LRRC4C: variants seen among roughly 807,000 people sequenced by gnomAD.
LRRC4C encodes leucine rich repeat containing 4C.
Under a neutral mutation model 33.6 loss-of-function variants are expected in LRRC4C, and 5 were observed. The ratio of observed to expected loss-of-function variants is 0.15; its 90% CI spans 0.08 to 0.31. The LOEUF (loss-of-function observed/expected upper bound fraction) is 0.31. Ranked by LOEUF, LRRC4C falls within the 10% of genes least tolerant of loss-of-function variation. The pLI, the probability that LRRC4C is intolerant of heterozygous loss-of-function variation, is 1.00. For missense variants in LRRC4C, 560 were observed against 796.7 expected (o/e 0.70, Z 3.58); for synonymous variants, 329 against 302.0 (o/e 1.09, Z -0.93).
chr11:41,132,687 G>A (rs971011441), intron 1 of LRRC4C, among the ~76,000 whole-genome samples: 11 of 151,982 alleles, frequency 7.2e-5, no homozygotes, highest in Non-Finnish European at 1.5e-4. Flanking sequence ...TTTCTACTAT[G>A]ATCATTTTTA....
chr11:40,485,248 GACAC>G (rs61129430), intron 3 of LRRC4C, among the ~76,000 whole-genome samples: 2 of 150,694 alleles, frequency 1.3e-5, no homozygotes, highest in African/African-American at 4.9e-5. Context: ...TGATAAGAGG[GACAC>G]ACACACACAC....
intron 3 of LRRC4C, among the ~76,000 whole-genome samples, chr11:40,465,319 T>A (rs753795113): frequency 2.6e-5 from 4 of 152,026 alleles, no homozygotes; most frequent in Non-Finnish European, 4.4e-5. Flanking sequence ...TCAAGACGGA[T>A]CAATGACTTA....
chr11:41,434,681 A>G (rs1425112895), intron 1 of LRRC4C, among the ~76,000 whole-genome samples: 1 of 152,148 alleles, frequency 6.6e-6, no homozygotes, highest in East Asian at 1.9e-4. Flanking sequence ...GACTAGCAAG[A>G]AGTGCACCTT....
At chr11:41,057,147 G>A (rs925347955) in intron 1 of LRRC4C, among the ~76,000 whole-genome samples, 3 of 152,090 alleles carry the variant, frequency 2.0e-5, no homozygotes, top group South Asian at 2.1e-4. Flanking sequence ...CCCGACCTTC[G>A]CAGGCTTGGA....
In LRRC4C at chr11:40,470,164, G is replaced by T. The variant is rs140513698; in HGVS notation, c.-269-150443C>A. Among the ~76,000 whole-genome samples the T allele has an allele frequency of 4.4e-4, 67 of 152,236 alleles. 1 individual carries two copies. Among genetic ancestry groups the T allele is most frequent in the African/African-American group, 1.5e-3 (64 of 41,552 alleles). Reference sequence around the variant, plus strand: ...TTGGCATCTGGTGGGTGCCCCTCTGGCATGAAGCTTTCAATGGAAAAAACA... The same window carrying T: ...TTGGCATCTGGTGGGTGCCCCTCTGTCATGAAGCTTTCAATGGAAAAAACA... On this transcript the variant is annotated intron_variant, in intron 3 of 6. Coordinates refer to ENST00000528697, the MANE Select transcript of LRRC4C (RefSeq NM_001258419.2).
chr11:40,473,405 C>T (rs1162794832), intron 3 of LRRC4C, among the ~76,000 whole-genome samples: 3 of 152,112 alleles, frequency 2.0e-5, no homozygotes, highest in Non-Finnish European at 4.4e-5. Context: ...TTAAACACCC[C>T]TTCATGCTAA....
chr11:40,946,898 T>A (rs1344323610), intron 1 of LRRC4C, among the ~76,000 whole-genome samples: 3 of 152,000 alleles, frequency 2.0e-5, no homozygotes, highest in African/African-American at 7.3e-5. Flanking sequence ...TTCAAAAAAA[T>A]TTAAATCATA....
chr11:40,843,299 C>T (rs1276613862), intron 2 of LRRC4C, among the ~76,000 whole-genome samples: 1 of 152,144 alleles, frequency 6.6e-6, no homozygotes, highest in Non-Finnish European at 1.5e-5. Context: ...ACGAGACCAA[C>T]CCTATGTACT....
chr11:40,503,924 G>T (rs901067769), intron 3 of LRRC4C, among the ~76,000 whole-genome samples: 2 of 152,040 alleles, frequency 1.3e-5, no homozygotes, highest in Non-Finnish European at 2.9e-5. Flanking sequence ...TATCTACCTG[G>T]TCAGCTATAA....
chr11:40,763,474 A>T (rs1949320408), intron 2 of LRRC4C, among the ~76,000 whole-genome samples: 1 of 152,184 alleles, frequency 6.6e-6, no homozygotes, highest in Admixed American at 6.6e-5. Flanking sequence ...ATCCACATAA[A>T]AAAGCACTTT....
chr11:40,583,229 C>T (rs1181130406), intron 3 of LRRC4C, among the ~76,000 whole-genome samples: 1 of 152,140 alleles, frequency 6.6e-6, no homozygotes, highest in African/African-American at 2.4e-5. Flanking sequence ...AGGTTATTAC[C>T]TATGAAATCC....
At chr11:40,227,506 G>C (rs937854105) in intron 5 of LRRC4C, among the ~76,000 whole-genome samples, 16 of 152,158 alleles carry the variant, frequency 1.1e-4, no homozygotes, top group African/African-American at 3.6e-4. Context: ...AAAAGTCATA[G>C]AGCTGAAGCA....
At chr11:40,897,253 G>A (rs578175861) in intron 2 of LRRC4C, among the ~76,000 whole-genome samples, 32 of 152,180 alleles carry the variant, frequency 2.1e-4, no homozygotes, top group Non-Finnish European at 4.4e-4. Flanking sequence ...ACTAAAGCAA[G>A]GATATGTGTT....
At chr11:40,409,824 G>T (rs1950092310) in intron 3 of LRRC4C, among the ~76,000 whole-genome samples, 1 of 152,036 alleles carries the variant, frequency 6.6e-6, no homozygotes, top group East Asian at 1.9e-4. Context: ...TGATATGGAG[G>T]TTCCTCAAAG....
At chr11:41,192,813 A>C (rs892421386) in intron 1 of LRRC4C, among the ~76,000 whole-genome samples, 11 of 152,112 alleles carry the variant, frequency 7.2e-5, no homozygotes, top group Admixed American at 6.6e-4. Flanking sequence ...TGGTTTGATA[A>C]TTTTAGAAAA....
At chr11:41,144,734 TTTAG>T (rs1943657081) in intron 1 of LRRC4C, among the ~76,000 whole-genome samples, 1 of 152,206 alleles carries the variant, frequency 6.6e-6, no homozygotes, top group Admixed American at 6.6e-5. Context: ...AGGATCATTA[TTTAG>T]TTACTCAATT....
chr11:40,218,302 T>G lies in LRRC4C; in HGVS notation c.-96+23217A>C, dbSNP rs183335316. ...TTTCCACTACATTTGAATTTTAAAG[T>G]GAACTCAATCCCAATAAAATAAAAG... On this transcript the variant is annotated intron_variant, in intron 5 of 6. Coordinates refer to ENST00000528697, the MANE Select transcript of LRRC4C (RefSeq NM_001258419.2). Among the ~76,000 whole-genome samples, 21 of 152,220 alleles carry G rather than the reference T, an allele frequency of 1.4e-4. No individual in the cohort carries two copies. In the East Asian group the frequency reaches 3.9e-3, roughly 28 times the overall value.
At chr11:40,992,381 T>G (rs1250327476) in intron 1 of LRRC4C, among the ~76,000 whole-genome samples, 1 of 151,890 alleles carries the variant, frequency 6.6e-6, no homozygotes, top group Non-Finnish European at 1.5e-5. Flanking sequence ...CTTTTTAAAT[T>G]TCTTACTTTC....
At chr11:41,381,805 T>C (rs560223568) in intron 1 of LRRC4C, among the ~76,000 whole-genome samples, 1 of 151,614 alleles carries the variant, frequency 6.6e-6, no homozygotes, top group East Asian at 1.9e-4. Flanking sequence ...TGAAAAGGCA[T>C]CAAGTAGAGC....
Sources: gnomAD v4.1 joint callset for allele counts (sites outside exome capture counted in the v4.1 genomes callset) on GRCh38, gnomAD v4.1.1 for gene constraint, MANE v1.5 for transcripts, NCBI Gene and HGNC (gene_info 2026-07-23, HGNC 2026-07-21) for gene names.